The following TTC29 variants were observed in gnomAD, a reference collection of about 807,000 sequenced individuals.
TTC29 encodes the protein tetratricopeptide repeat protein 29.
In TTC29, 49 loss-of-function variants were observed where a neutral mutation model predicts 58.1. The observed-to-expected ratio is 0.84, with a 90% CI of 0.67 to 1.07. The LOEUF (loss-of-function observed/expected upper bound fraction) is 1.07. TTC29 is among the 50% of genes least tolerant of loss of function. The probability of loss-of-function intolerance (pLI) is 0.00; values close to 1 mark genes in which losing one functional copy is unlikely to be tolerated. For missense variants in TTC29, 582 were observed against 555.6 expected, an observed-to-expected ratio of 1.05 and a Z score of -0.48; for synonymous variants, 209 against 196.8, an observed-to-expected ratio of 1.06 and a Z score of -0.52.
chr4:146,919,345 C>T (rs1560718812), intron 4 of TTC29, among the ~76,000 whole-genome samples: 1 of 150,900 alleles, frequency 6.6e-6, no homozygotes. Flanking sequence ...ATAATCTTAG[C>T]TTTTAAATTG....
chr4:146,939,739 A>G, intron 3 of TTC29, 65 bp downstream of exon 3: 1 of 1,364,608 alleles, frequency 7.3e-7, no homozygotes, highest in Non-Finnish European at 1.0e-6. Context: ...GAGATACATT[A>G]TTGACATTTC....
chr4:146,876,163 A>G lies in TTC29; in HGVS notation c.587-1235T>C, dbSNP rs183472179. ...TTACTTTATTCTTCTGCAAAACAGG[A>G]TTACTGTGTAACTTTTTGAGGTACT... On this transcript the variant is annotated intron_variant, in intron 6 of 12. Transcript: ENST00000325106. Among the ~76,000 whole-genome samples the G allele has an allele frequency of 4.2e-3, 633 of 152,288 alleles. 1 individual carries two copies. Among genetic ancestry groups the G allele is most frequent in the African/African-American group, 0.014 (588 of 41,562 alleles).
At chr4:146,753,333 A>C (rs1746168973) in intron 11 of TTC29, among the ~76,000 whole-genome samples, 1 of 152,244 alleles carries the variant, frequency 6.6e-6, no homozygotes, top group Non-Finnish European at 1.5e-5. Context: ...AGAGAAATGC[A>C]AATCAAAACC....
At chr4:146,740,435 T>C (rs1745038448) in intron 11 of TTC29, among the ~76,000 whole-genome samples, 1 of 152,094 alleles carries the variant, frequency 6.6e-6, no homozygotes. Flanking sequence ...TTTTAAAATT[T>C]ATTTATTATT....
In TTC29 at chr4:146,706,968, T is replaced by C. The variant is rs1176537091; in HGVS notation, c.*190A>G. 1 of 395,452 alleles carries C rather than the reference T, an allele frequency of 2.5e-6. No homozygotes were observed. The highest frequency in any genetic ancestry group is 4.5e-6 in the Non-Finnish European group (1 of 224,132). 24.5% of individuals were successfully genotyped at this position (395,452 alleles called of 1,614,324 possible). A position where few individuals can be genotyped will look rare whatever the true frequency, so the allele number is the denominator to read the frequency against. On this transcript the variant is annotated 3_prime_UTR_variant, in exon 13 of 13. Transcript: ENST00000325106. The stretch of plus-strand genomic sequence containing the variant: ...TATTTCTAAGAATTGGAATATATTT[T>C]ATTTTCATGGATTTAGATGTTTTGG...
intron 11 of TTC29, among the ~76,000 whole-genome samples, chr4:146,726,364 A>G (rs1294329306): frequency 1.3e-5 from 2 of 152,064 alleles, no homozygotes; most frequent in African/African-American, 4.8e-5. Flanking sequence ...GAGGCAGGAG[A>G]ATTGCTTGAA....
chr4:146,876,918 G>C (rs1404445767), intron 6 of TTC29, among the ~76,000 whole-genome samples: 2 of 127,620 alleles, frequency 1.6e-5, no homozygotes, highest in Non-Finnish European at 3.1e-5. Context: ...CCTGTCAACA[G>C]AGCAAGACTC....
chr4:146,933,053 G>A (rs1279938792), intron 4 of TTC29, among the ~76,000 whole-genome samples: 2 of 119,646 alleles, frequency 1.7e-5, no homozygotes, highest in East Asian at 2.4e-4. Flanking sequence ...CCGAGACTCC[G>A]TCTCAAAAAA....
chr4:146,833,811 CAGG>C lies in TTC29; in HGVS notation c.969_971del (p.Leu324del). 6.2e-7 allele frequency: 1 copy of C among 1,612,532 alleles called. No homozygotes were observed. The highest frequency in any genetic ancestry group is 8.5e-7 in the Non-Finnish European group (1 of 1,178,854). ...ATGAGAATGTGCTAACTTACCTCTG[CAGG>C]ACCTTGGCTATGGCTTCATAGCCTC... On this transcript the variant is annotated inframe_deletion, in exon 9 of 13. Transcript: ENST00000325106.
At chr4:146,832,717 C>G (rs1728249505) in intron 9 of TTC29, among the ~76,000 whole-genome samples, 1 of 152,018 alleles carries the variant, frequency 6.6e-6, no homozygotes, top group Non-Finnish European at 1.5e-5. Context: ...GTCTCAAACT[C>G]CTGACCTCAG....
intron 11 of TTC29, among the ~76,000 whole-genome samples, chr4:146,789,833 C>G (rs916528599): frequency 3.9e-5 from 6 of 151,970 alleles, no homozygotes; most frequent in African/African-American, 1.2e-4. Flanking sequence ...ATTCTTCACA[C>G]AGCAGCCAAG....
At chr4:146,756,795 T>C (rs995202023) in intron 11 of TTC29, among the ~76,000 whole-genome samples, 5 of 152,040 alleles carry the variant, frequency 3.3e-5, no homozygotes, top group African/African-American at 4.8e-5. Context: ...GCTCTGACTT[T>C]CTTTCTTCTA....
intron 6 of TTC29, among the ~76,000 whole-genome samples, chr4:146,887,092 T>C (rs1219458863): frequency 1.3e-5 from 2 of 152,040 alleles, no homozygotes; most frequent in African/African-American, 2.4e-5. Flanking sequence ...AATCAATGAG[T>C]ATAAAACTTC....
chr4:146,852,791 C>T (rs1482451360), intron 8 of TTC29, among the ~76,000 whole-genome samples: 1 of 152,198 alleles, frequency 6.6e-6, no homozygotes, highest in African/African-American at 2.4e-5. Context: ...TTTAAAACAT[C>T]AACATAATTA....
rs534802529 is a variant in TTC29 at position 146,790,403 on chromosome 4, T to A, written c.1330+13054A>T. Among the ~76,000 whole-genome samples, 4 of 152,102 alleles carry A rather than the reference T, an allele frequency of 2.6e-5. No homozygotes were observed. The South Asian group carries it at 8.3e-4, about 32-fold the overall frequency. On this transcript the variant is annotated intron_variant, in intron 11 of 12. Coordinates refer to ENST00000325106, the MANE Select transcript of TTC29 (RefSeq NM_031956.4). ...AGGGTTTCACCATGTTGGCCAGGAT[T>A]GTCTTGATCTCCTGACCTTGTGATC...
At chr4:146,832,311 C>T (rs570745883) in intron 9 of TTC29, among the ~76,000 whole-genome samples, 1 of 152,092 alleles carries the variant, frequency 6.6e-6, no homozygotes, top group Non-Finnish European at 1.5e-5. Context: ...TGTATTCAAC[C>T]ACCTGTGTCT....
At chr4:146,821,550 T>C (rs988976708) in intron 9 of TTC29, among the ~76,000 whole-genome samples, 12 of 152,300 alleles carry the variant, frequency 7.9e-5, no homozygotes, top group African/African-American at 2.6e-4. Flanking sequence ...GTGTTACATA[T>C]CCTCACAAAA....
chr4:146,769,820 T>TA (rs965212885), intron 11 of TTC29, among the ~76,000 whole-genome samples: 2 of 152,038 alleles, frequency 1.3e-5, no homozygotes, highest in African/African-American at 4.8e-5. Context: ...TCTAAATTTC[T>TA]AAAAAAATGA....
intron 8 of TTC29, among the ~76,000 whole-genome samples, chr4:146,843,845 T>C (rs1401870311): frequency 6.6e-6 from 1 of 152,214 alleles, no homozygotes; most frequent in Non-Finnish European, 1.5e-5. Flanking sequence ...TCATTGTATT[T>C]GATTGAAATT....
Sources: gnomAD v4.1 joint callset for allele counts (sites outside exome capture counted in the v4.1 genomes callset) on GRCh38, gnomAD v4.1.1 for gene constraint, MANE v1.5 for transcripts, NCBI Gene and HGNC (gene_info 2026-07-23, HGNC 2026-07-21) for gene names.